GPR176: variants seen among roughly 807,000 people sequenced by gnomAD.
GPR176 encodes G-protein coupled receptor 176.
Under a neutral mutation model 35.4 loss-of-function variants are expected in GPR176, and 26 were observed. The observed-to-expected ratio is 0.74, with a 90% CI of 0.54 to 1.02. GPR176 has a LOEUF of 1.02. Ranked by LOEUF, GPR176 falls within the 50% of genes least tolerant of loss-of-function variation. The pLI is 0.00. For synonymous variants in GPR176, 278 were observed against 271.3 expected (o/e 1.02, Z -0.24); for missense variants, 597 against 665.3 (o/e 0.90, Z 1.13).
At chr15:39,894,855 G>C (rs866164512) in intron 1 of GPR176, among the ~76,000 whole-genome samples, 2 of 152,230 alleles carry the variant, frequency 1.3e-5, no homozygotes, top group Non-Finnish European at 2.9e-5. Context: ...CTGCAATCTC[G>C]GCACTTTGGG....
chr15:39,810,742 G>T (rs1293049525), intron 1 of GPR176, among the ~76,000 whole-genome samples: 1 of 152,194 alleles, frequency 6.6e-6, no homozygotes, highest in East Asian at 1.9e-4. Flanking sequence ...AAATTACAAG[G>T]AAAAGCCTAT....
At chr15:39,818,004 CAG>C (rs763199018) in intron 1 of GPR176, among the ~76,000 whole-genome samples, 16 of 152,172 alleles carry the variant, frequency 1.1e-4, no homozygotes, top group Non-Finnish European at 2.2e-4. Flanking sequence ...TCAGTGTTGA[CAG>C]AGTGATAAGA....
chr15:39,853,577 A>T lies in GPR176; in HGVS notation c.173-46319T>A, dbSNP rs530127690. Among the ~76,000 whole-genome samples the T allele has an allele frequency of 2.0e-5, 3 of 152,328 alleles. No individual in the cohort carries two copies. In the South Asian group the frequency reaches 6.2e-4, roughly 32 times the overall value. ...ATGTTATATTTTAACATAATTTTTT[A>T]AAATACCTATTAAATCAATGAACAG... On this transcript the variant is annotated intron_variant, in intron 1 of 2. Coordinates refer to ENST00000561100, the MANE Select transcript of GPR176 (RefSeq NM_007223.3).
chr15:39,899,414 C>T (rs1042698367), intron 1 of GPR176, among the ~76,000 whole-genome samples: 2 of 152,192 alleles, frequency 1.3e-5, no homozygotes, highest in East Asian at 1.9e-4. Context: ...CCTGTTTCTA[C>T]CCCTTGATTC....
chr15:39,874,515 T>C (rs1392269512), intron 1 of GPR176, among the ~76,000 whole-genome samples: 4 of 152,240 alleles, frequency 2.6e-5, no homozygotes, highest in African/African-American at 9.6e-5. Flanking sequence ...GTTAGCTGCA[T>C]TGAAACAGTA....
chr15:39,888,838 C>A (rs2032763653), intron 1 of GPR176, among the ~76,000 whole-genome samples: 1 of 152,166 alleles, frequency 6.6e-6, no homozygotes. Context: ...GCTGTGATAA[C>A]TTTTAATGAG....
chr15:39,895,283 G>GAGACGA (rs1234530930), intron 1 of GPR176, among the ~76,000 whole-genome samples: 1 of 10,214 alleles, frequency 9.8e-5, no homozygotes, highest in Non-Finnish European at 2.3e-4. Context: ...AGACCGTGGG[G>GAGACGA]AGAGGAAGAG....
At chr15:39,846,507 A>G (rs1324433588) in intron 1 of GPR176, among the ~76,000 whole-genome samples, 5 of 152,226 alleles carry the variant, frequency 3.3e-5, no homozygotes, top group African/African-American at 1.2e-4. Flanking sequence ...CTTCTATCAT[A>G]GTGGTATCAC....
At chr15:39,803,080 C>T (rs979506474) in intron 2 of GPR176, among the ~76,000 whole-genome samples, 4 of 152,088 alleles carry the variant, frequency 2.6e-5, no homozygotes, top group African/African-American at 9.7e-5. Flanking sequence ...AACTGAATAA[C>T]TCTTTGCACC....
chr15:39,899,067 A>G (rs557207724), intron 1 of GPR176, among the ~76,000 whole-genome samples: 2 of 152,272 alleles, frequency 1.3e-5, no homozygotes, highest in South Asian at 4.2e-4. Flanking sequence ...TAGCTACTCA[A>G]AATATAGCCT....
intron 1 of GPR176, among the ~76,000 whole-genome samples, chr15:39,895,360 C>A (rs2033082893): frequency 6.6e-6 from 1 of 152,012 alleles, no homozygotes; most frequent in Non-Finnish European, 1.5e-5. Context: ...ACACATGCAA[C>A]TGAAACACAC....
At chr15:39,883,393 T>C (rs1279702420) in intron 1 of GPR176, among the ~76,000 whole-genome samples, 1 of 152,144 alleles carries the variant, frequency 6.6e-6, no homozygotes, top group African/African-American at 2.4e-5. Flanking sequence ...AAAAAAACAC[T>C]TCATTGAGGT....
intron 1 of GPR176, among the ~76,000 whole-genome samples, chr15:39,815,689 T>C (rs1899856143): frequency 6.6e-6 from 1 of 152,126 alleles, no homozygotes; most frequent in Non-Finnish European, 1.5e-5. Flanking sequence ...ACGTTCAATA[T>C]ACCACACAGA....
chr15:39,808,087 C>T (rs1899312813), intron 1 of GPR176, among the ~76,000 whole-genome samples: 1 of 152,214 alleles, frequency 6.6e-6, no homozygotes. Context: ...TACAGAAGAG[C>T]ATGGTACAGC....
In GPR176 at chr15:39,846,435, A is replaced by G. The variant is rs187110378; in HGVS notation, c.173-39177T>C. Among the ~76,000 whole-genome samples, 16 of 152,340 alleles carry G rather than the reference A, an allele frequency of 1.1e-4. No individual in the cohort carries two copies. The East Asian group carries it at 2.9e-3, about 28-fold the overall frequency. On this transcript the variant is annotated intron_variant, in intron 1 of 2. Coordinates refer to ENST00000561100, the MANE Select transcript of GPR176 (RefSeq NM_007223.3). Reference sequence around the variant, plus strand: ...GCCACCGCTACCCAGCTCCTCTTCCATATCAACAGAGGCCAGATGGGGAAC... The same window carrying G: ...GCCACCGCTACCCAGCTCCTCTTCCGTATCAACAGAGGCCAGATGGGGAAC...
intron 1 of GPR176, among the ~76,000 whole-genome samples, chr15:39,896,759 G>A (rs931154212): frequency 2.0e-5 from 3 of 152,124 alleles, no homozygotes; most frequent in Non-Finnish European, 4.4e-5. Context: ...CCTCAGAAGA[G>A]GAATAAGCCA....
chr15:39,838,550 C>G (rs1171171665), intron 1 of GPR176, among the ~76,000 whole-genome samples: 3 of 151,960 alleles, frequency 2.0e-5, no homozygotes, highest in Non-Finnish European at 4.4e-5. Flanking sequence ...ATAAACATAA[C>G]CCAGCATATA....
At chr15:39,859,875 A>G (rs1303025844) in intron 1 of GPR176, among the ~76,000 whole-genome samples, 6 of 152,082 alleles carry the variant, frequency 3.9e-5, no homozygotes, top group African/African-American at 7.2e-5. Flanking sequence ...AGAGTTATGG[A>G]GACTGGCTGT....
intron 1 of GPR176, among the ~76,000 whole-genome samples, chr15:39,918,155 C>G (rs934916285): frequency 6.6e-6 from 1 of 151,664 alleles, no homozygotes; most frequent in Non-Finnish European, 1.5e-5. Flanking sequence ...ATGTCACTCA[C>G]AAGTGCTATG....
Sources: allele counts gnomAD v4.1 joint callset (sites outside exome capture counted in the v4.1 genomes callset), GRCh38; gene constraint gnomAD v4.1.1; transcripts MANE v1.5; gene names NCBI Gene and HGNC (gene_info 2026-07-23, HGNC 2026-07-21).